The following EHBP1 variants were observed in gnomAD, a reference collection of about 807,000 sequenced individuals.
EHBP1 encodes EH domain-binding protein 1.
Under a neutral mutation model 144.0 loss-of-function variants are expected in EHBP1, and 55 were observed. The ratio of observed to expected loss-of-function variants is 0.38; its 90% CI spans 0.31 to 0.48. EHBP1 has a LOEUF of 0.48. Among genes scored for constraint, EHBP1 ranks in the 20% least tolerant of loss-of-function variants. EHBP1 has a pLI of 0.98. For missense variants in EHBP1, 1,200 were observed against 1,364.2 expected, an observed-to-expected ratio of 0.88 and a Z score of 1.90; for synonymous variants, 469 against 472.7, an observed-to-expected ratio of 0.99 and a Z score of 0.10.
At chr2:62,813,807 T>G (rs2045240757) in intron 5 of EHBP1, among the ~76,000 whole-genome samples, 1 of 152,220 alleles carries the variant, frequency 6.6e-6, no homozygotes, top group Non-Finnish European at 1.5e-5. Flanking sequence ...TTGTTGCCTA[T>G]TTCTCTCTTT....
Position 62,707,134 on chromosome 2 carries a change from A to G in EHBP1, c.-58A>G. Reference sequence around the variant, plus strand: ...AGTTCCTTTGCTTTGGACCCTCTGCATTATTAAAGCTGCTGTATTGCTAAC... The same window carrying G: ...AGTTCCTTTGCTTTGGACCCTCTGCGTTATTAAAGCTGCTGTATTGCTAAC... On this transcript the variant is annotated 5_prime_UTR_variant, in exon 2 of 23. Transcript: ENST00000431489. 7.4e-7 allele frequency: 1 copy of G among 1,344,680 alleles called. No homozygotes were observed. The highest frequency in any genetic ancestry group is 1.1e-6 in the Non-Finnish European group (1 of 935,006). 83.3% of individuals were successfully genotyped at this position (1,344,680 alleles called of 1,614,324 possible).
chr2:63,000,532 C>T (rs1471856309), intron 19 of EHBP1, among the ~76,000 whole-genome samples: 2 of 151,996 alleles, frequency 1.3e-5, no homozygotes, highest in Non-Finnish European at 2.9e-5. Context: ...CCCATTTCTA[C>T]TAAAAATACA....
chr2:62,919,679 T>C (rs1376905141), intron 10 of EHBP1, among the ~76,000 whole-genome samples: 1 of 152,120 alleles, frequency 6.6e-6, no homozygotes. Flanking sequence ...AGAGGAACTG[T>C]ACCTGAGAAA....
chr2:62,943,268 T>G (rs890568550), intron 11 of EHBP1, among the ~76,000 whole-genome samples: 3 of 147,550 alleles, frequency 2.0e-5, no homozygotes, highest in African/African-American at 7.6e-5. Flanking sequence ...CCCAGCTACT[T>G]GGGAGGCTGA....
intron 5 of EHBP1, among the ~76,000 whole-genome samples, chr2:62,773,868 A>AAAAAAAAAAAAAAAAAAAAG: frequency 6.8e-6 from 1 of 147,046 alleles, no homozygotes; most frequent in Non-Finnish European, 1.5e-5. Context: ...AAAAAAAAAA[A>AAAAAAAAAAAAAAAAAAAAG]AAAAAAAAAA....
In EHBP1 at chr2:62,864,983, T is replaced by C. The variant is rs746282783; in HGVS notation, c.998+12T>C. On this transcript the variant is annotated intron_variant, in intron 9 of 22. Transcript: ENST00000431489. ...GAAGAATTGGATGAGTAAGTACATT[T>C]CATTTTGCTGTCATCACAAGTTAGT... The C allele has an allele frequency of 6.2e-7, 1 of 1,610,646 alleles. No individual in the cohort carries two copies. The highest frequency in any genetic ancestry group is 8.5e-7 in the Non-Finnish European group (1 of 1,178,962).
chr2:62,892,581 CTTA>C (rs999624942), intron 10 of EHBP1, among the ~76,000 whole-genome samples: 1 of 151,984 alleles, frequency 6.6e-6, no homozygotes, highest in Admixed American at 6.6e-5. Context: ...ATGTGTTATT[CTTA>C]TTATATATTT....
Position 62,990,579 on chromosome 2 carries a change from A to G in EHBP1, c.2609-137A>G, listed in dbSNP as rs1243181466. Reference sequence around the variant, plus strand: ...AATATATATATGTAAAGGATTTTTCATGTGTCTAATCTACTAATATCCTTT... The same window carrying G: ...AATATATATATGTAAAGGATTTTTCGTGTGTCTAATCTACTAATATCCTTT... On this transcript the variant is annotated intron_variant, in intron 15 of 22. Transcript: ENST00000431489. 1.5e-5 allele frequency: 13 copies of G among 839,124 alleles called. No individual in the cohort carries two copies. The East Asian group carries it at 2.8e-4, about 18-fold the overall frequency. The allele number at this position is 839,124 out of a possible 1,614,324, so 52.0% of individuals were successfully genotyped here.
In EHBP1 at chr2:62,706,966, A is replaced by G; in HGVS notation, c.-226A>G. The stretch of plus-strand genomic sequence containing the variant: ...TGTCTCCATGAGGGAACCCCTTCCC[A>G]CTCATCCTGTCACGTATATCATAGT... On this transcript the variant is annotated 5_prime_UTR_variant, in exon 2 of 23. Coordinates refer to ENST00000431489, the MANE Select transcript of EHBP1 (RefSeq NM_001142616.3). 2.0e-6 allele frequency: 1 copy of G among 488,306 alleles called. No homozygotes were observed. Among genetic ancestry groups the G allele is most frequent in the South Asian group, 2.3e-5 (1 of 43,258 alleles). 30.2% of individuals were successfully genotyped at this position (488,306 alleles called of 1,614,324 possible). A position where few individuals can be genotyped will look rare whatever the true frequency, so the allele number is the denominator to read the frequency against.
At chr2:62,919,703 A>G (rs1213077940) in intron 10 of EHBP1, among the ~76,000 whole-genome samples, 3 of 152,190 alleles carry the variant, frequency 2.0e-5, no homozygotes, top group Non-Finnish European at 4.4e-5. Context: ...CTAATGTCAG[A>G]TCTACTACAC....
Position 63,009,996 on chromosome 2 carries a change from A to G in EHBP1, c.3103+13230A>G, listed in dbSNP as rs138962773. Among the ~76,000 whole-genome samples, 372 of 151,574 alleles carry G rather than the reference A, an allele frequency of 2.5e-3. 3 individuals are homozygous for G. Among genetic ancestry groups the G allele is most frequent in the African/African-American group, 8.4e-3 (350 of 41,500 alleles). On this transcript the variant is annotated intron_variant, in intron 19 of 22. Transcript: ENST00000431489. ...CTCCCCTCTATGTTCCCCTCCCCCCAAAATTTTGTACTATACTCACCTATT... is the reference window on the plus strand; with the variant it reads ...CTCCCCTCTATGTTCCCCTCCCCCCGAAATTTTGTACTATACTCACCTATT...
intron 10 of EHBP1, among the ~76,000 whole-genome samples, chr2:62,933,647 G>T (rs918470925): frequency 2.6e-5 from 4 of 152,118 alleles, no homozygotes; most frequent in Admixed American, 1.3e-4. Flanking sequence ...TATAACCACC[G>T]ATTATAGGGA....
At chr2:63,010,678 A>G (rs1008071290) in intron 19 of EHBP1, among the ~76,000 whole-genome samples, 5 of 151,736 alleles carry the variant, frequency 3.3e-5, no homozygotes, top group Non-Finnish European at 7.4e-5. Context: ...GTGAAAATAG[A>G]GTAAGTTTCC....
intron 5 of EHBP1, among the ~76,000 whole-genome samples, chr2:62,821,817 C>T (rs1203443546): frequency 6.6e-6 from 1 of 152,010 alleles, no homozygotes; most frequent in Non-Finnish European, 1.5e-5. Context: ...TATCTAAATG[C>T]TTTTTTTAAG....
chr2:62,788,170 G>C (rs138315857), intron 5 of EHBP1, among the ~76,000 whole-genome samples: 1,660 of 152,152 alleles, frequency 0.011, 28 homozygotes, highest in African/African-American at 0.039. Context: ...CAATAATTCT[G>C]TAATTTTTTC....
chr2:62,858,546 T>C, intron 7 of EHBP1: 1 of 1,401,446 alleles, frequency 7.1e-7, no homozygotes, highest in Non-Finnish European at 1.0e-6. Flanking sequence ...CTGCTTCTGA[T>C]TGCCTGTATT....
chr2:62,895,138 G>A (rs190347564), intron 10 of EHBP1, among the ~76,000 whole-genome samples: 16 of 152,308 alleles, frequency 1.1e-4, no homozygotes, highest in African/African-American at 3.4e-4. Flanking sequence ...TTGCCCAGGG[G>A]TAGGGAGGGG....
At chr2:63,030,642 C>T (rs1017872117) in intron 19 of EHBP1, among the ~76,000 whole-genome samples, 2 of 151,902 alleles carry the variant, frequency 1.3e-5, no homozygotes, top group Non-Finnish European at 2.9e-5. Context: ...CGCCCACCAC[C>T]ACACCCAGCT....
intron 1 of EHBP1, among the ~76,000 whole-genome samples, chr2:62,694,954 A>C (rs935445678): frequency 6.6e-6 from 1 of 152,212 alleles, no homozygotes; most frequent in African/African-American, 2.4e-5. Context: ...TATGTCATAT[A>C]TAAGAGGGGA....
Sources: allele counts gnomAD v4.1 joint callset (sites outside exome capture counted in the v4.1 genomes callset), GRCh38; gene constraint gnomAD v4.1.1; transcripts MANE v1.5; gene names NCBI Gene and HGNC (gene_info 2026-07-23, HGNC 2026-07-21).